FHIT: variants seen among roughly 807,000 people sequenced by gnomAD.
The protein encoded by FHIT is bis(5'-adenosyl)-triphosphatase.
A neutral mutation model predicts 17.9 loss-of-function variants in FHIT; 19 were observed. The observed-to-expected ratio is 1.06, with a 90% CI of 0.74 to 1.56. The LOEUF is 1.56. Ranked by LOEUF, FHIT falls within the 40% of genes most tolerant of loss-of-function variation. The pLI, the probability that FHIT is intolerant of heterozygous loss-of-function variation, is 0.00. For missense variants in FHIT, 248 were observed against 189.2 expected, an observed-to-expected ratio of 1.31 and a Z score of -1.82; for synonymous variants, 81 against 69.7, an observed-to-expected ratio of 1.16 and a Z score of -0.81.
At chr3:60,451,028 T>C (rs1384400804) in intron 5 of FHIT, among the ~76,000 whole-genome samples, 3 of 152,172 alleles carry the variant, frequency 2.0e-5, no homozygotes, top group Non-Finnish European at 4.4e-5. Flanking sequence ...TGAAAACTTG[T>C]TTTTAGGAGT....
At chr3:59,908,843 C>CTTTTTTTTTTTTTTTTTTTTTTTT (rs1264578670) in intron 8 of FHIT, among the ~76,000 whole-genome samples, 1 of 150,740 alleles carries the variant, frequency 6.6e-6, no homozygotes, top group Admixed American at 6.6e-5. Context: ...AAGAACATTT[C>CTTTTTTTTTTTTTTTTTTTTTTTT]ATTTTTTAAT....
At chr3:60,599,818 C>A (rs557773649) in intron 4 of FHIT, among the ~76,000 whole-genome samples, 20 of 152,214 alleles carry the variant, frequency 1.3e-4, no homozygotes, top group African/African-American at 4.8e-4. Context: ...TCTTGCCCAT[C>A]TAAACTCCCT....
chr3:60,031,125 A>C (rs1407544957), intron 5 of FHIT, among the ~76,000 whole-genome samples: 1 of 152,210 alleles, frequency 6.6e-6, no homozygotes, highest in African/African-American at 2.4e-5. Flanking sequence ...GAATAAGCTC[A>C]AGAAGAGTCA....
intron 8 of FHIT, among the ~76,000 whole-genome samples, chr3:59,869,926 T>C (rs1702843955): frequency 1.3e-5 from 2 of 152,220 alleles, no homozygotes; most frequent in African/African-American, 4.8e-5. Flanking sequence ...TCTTCTGCAG[T>C]AAAATTAATT....
intron 5 of FHIT, among the ~76,000 whole-genome samples, chr3:60,505,396 A>G (rs927568601): frequency 6.6e-6 from 1 of 152,332 alleles, no homozygotes; most frequent in East Asian, 1.9e-4. Flanking sequence ...TCAGAATTAA[A>G]TAAGTGGTAG....
chr3:59,850,618 G>C (rs1701895990), intron 8 of FHIT, among the ~76,000 whole-genome samples: 1 of 152,150 alleles, frequency 6.6e-6, no homozygotes, highest in Non-Finnish European at 1.5e-5. Flanking sequence ...AGAGAGGTTA[G>C]GGACAGAATA....
At chr3:61,006,822 A>G (rs933994614) in intron 3 of FHIT, among the ~76,000 whole-genome samples, 1 of 152,150 alleles carries the variant, frequency 6.6e-6, no homozygotes, top group African/African-American at 2.4e-5. Context: ...AAATATATAC[A>G]TGGCTAAGTT....
intron 4 of FHIT, among the ~76,000 whole-genome samples, chr3:60,747,263 G>C (rs1305746015): frequency 6.6e-6 from 1 of 152,092 alleles, no homozygotes; most frequent in African/African-American, 2.4e-5. Flanking sequence ...CCTCGGATCT[G>C]TTTAGACATA....
At chr3:61,193,198 T>C (rs563435560) in intron 2 of FHIT, among the ~76,000 whole-genome samples, 7 of 152,350 alleles carry the variant, frequency 4.6e-5, no homozygotes, top group Admixed American at 1.3e-4. Context: ...TGTTGTTCTT[T>C]GATCTGTTTA....
intron 1 of FHIT, among the ~76,000 whole-genome samples, chr3:61,231,647 G>A (rs1043184890): frequency 2.0e-5 from 3 of 152,196 alleles, no homozygotes; most frequent in African/African-American, 7.2e-5. Flanking sequence ...TGGCAAAGAT[G>A]TACTGAGGAT....
intron 3 of FHIT, among the ~76,000 whole-genome samples, chr3:60,886,892 C>A (rs1418749978): frequency 6.6e-6 from 1 of 152,132 alleles, no homozygotes; most frequent in Non-Finnish European, 1.5e-5. Context: ...GCAACCTGTA[C>A]AAATGTCTTT....
intron 3 of FHIT, among the ~76,000 whole-genome samples, chr3:60,920,693 G>A (rs537650721): frequency 1.3e-4 from 20 of 152,198 alleles, no homozygotes; most frequent in Non-Finnish European, 2.1e-4. Context: ...TAAACAAGGC[G>A]TGGGGAGAAC....
At chr3:60,067,678 C>G (rs1362855348) in intron 5 of FHIT, among the ~76,000 whole-genome samples, 1 of 152,170 alleles carries the variant, frequency 6.6e-6, no homozygotes, top group Non-Finnish European at 1.5e-5. Context: ...CAACTCATCA[C>G]TTTTTCTTTT....
At chr3:60,170,780 A>C (rs1476123363) in intron 5 of FHIT, among the ~76,000 whole-genome samples, 1 of 152,202 alleles carries the variant, frequency 6.6e-6, no homozygotes, top group African/African-American at 2.4e-5. Flanking sequence ...AATAGTATTT[A>C]GTTTTTGGCA....
At chr3:59,915,936 G>GAA (rs1237407047) in intron 8 of FHIT, among the ~76,000 whole-genome samples, 4 of 34,526 alleles carry the variant, frequency 1.2e-4, no homozygotes, top group Non-Finnish European at 2.6e-4. Context: ...TGTCTCTTAG[G>GAA]GAAAAAAAAA....
chr3:61,041,442 T>C (rs953668057), intron 3 of FHIT, among the ~76,000 whole-genome samples: 8 of 152,024 alleles, frequency 5.3e-5, no homozygotes, highest in African/African-American at 1.9e-4. Context: ...ATCAAGTCTG[T>C]GCGAGTCATC....
intron 5 of FHIT, among the ~76,000 whole-genome samples, chr3:60,292,207 CA>C (rs1708014346): frequency 6.6e-6 from 1 of 152,056 alleles, no homozygotes; most frequent in African/African-American, 2.4e-5. Context: ...ACCAGAAAAC[CA>C]CCTTCATCTT....
intron 7 of FHIT, among the ~76,000 whole-genome samples, chr3:59,939,535 G>A (rs192832684): frequency 8.0e-4 from 122 of 152,266 alleles, no homozygotes; most frequent in Middle Eastern, 3.4e-3. Flanking sequence ...AGTTTATAAT[G>A]ATTTTTCTAT....
intron 8 of FHIT, among the ~76,000 whole-genome samples, chr3:59,879,688 A>T (rs1703317799): frequency 6.6e-6 from 1 of 152,232 alleles, no homozygotes; most frequent in South Asian, 2.1e-4. Flanking sequence ...TTAATAACAC[A>T]GTCTGGATAC....
Sources: gnomAD v4.1 joint callset for allele counts (sites outside exome capture counted in the v4.1 genomes callset) on GRCh38, gnomAD v4.1.1 for gene constraint, MANE v1.5 for transcripts, NCBI Gene and HGNC (gene_info 2026-07-23, HGNC 2026-07-21) for gene names.